APP: variants seen among roughly 807,000 people sequenced by gnomAD.
APP encodes the protein amyloid beta precursor protein.
Under a neutral mutation model 101.4 loss-of-function variants are expected in APP, and 31 were observed. The observed-to-expected ratio is 0.31, with a 90% CI of 0.23 to 0.41. The LOEUF is 0.41. Among genes scored for constraint, APP ranks in the 10% least tolerant of loss-of-function variants. The pLI is 1.00. For synonymous variants in APP, 366 were observed against 364.4 expected (o/e 1.00, Z -0.05); for missense variants, 839 against 1,003.7 (o/e 0.84, Z 2.22).
intron 6 of APP, among the ~76,000 whole-genome samples, chr21:26,008,626 C>A (rs1350562869): frequency 6.6e-6 from 1 of 152,240 alleles, no homozygotes; most frequent in African/African-American, 2.4e-5. Context: ...TACAAAATTC[C>A]TCTATACTGT....
At position 25,880,777 on chromosome 21, in the gene APP, C is replaced by T. The variant is rs1250546799; in HGVS notation, c.*893G>A. Reference sequence around the variant, plus strand: ...ACTTCGATTATTTAATGTCTGTAGTCATCCTTCAAAGAAAAGTCTTGCCCG... The same window carrying T: ...ACTTCGATTATTTAATGTCTGTAGTTATCCTTCAAAGAAAAGTCTTGCCCG... On this transcript the variant is annotated 3_prime_UTR_variant, in exon 18 of 18. Transcript: ENST00000346798. 6.6e-6 allele frequency: 1 copy of T among 152,322 alleles called. No homozygotes were observed. The highest frequency in any genetic ancestry group is 1.5e-5 in the Non-Finnish European group (1 of 68,046). 9.4% of individuals were successfully genotyped at this position (152,322 alleles called of 1,614,324 possible).
chr21:26,170,096 C>G (rs1302508747), intron 1 of APP, among the ~76,000 whole-genome samples: 3 of 152,242 alleles, frequency 2.0e-5, no homozygotes, highest in Non-Finnish European at 2.9e-5. Flanking sequence ...TGGGCTGTCC[C>G]GACTCCTCCT....
chr21:25,964,218 C>T (rs1300777180), intron 11 of APP, among the ~76,000 whole-genome samples: 5 of 152,164 alleles, frequency 3.3e-5, no homozygotes, highest in Non-Finnish European at 5.9e-5. Flanking sequence ...AGTCATCTAT[C>T]ATCTGTTCTC....
chr21:25,896,253 G>A (rs1307337500), intron 16 of APP, among the ~76,000 whole-genome samples: 2 of 152,098 alleles, frequency 1.3e-5, no homozygotes, highest in Non-Finnish European at 2.9e-5. Context: ...TGGGAGTTAA[G>A]AATGCAAATC....
At chr21:25,957,766 G>A (rs1217036999) in intron 11 of APP, among the ~76,000 whole-genome samples, 1 of 151,938 alleles carries the variant, frequency 6.6e-6, no homozygotes, top group Non-Finnish European at 1.5e-5. Flanking sequence ...AGGATCACTT[G>A]CAGCCAAGAG....
chr21:25,905,159 A>C (rs2038724389), intron 14 of APP, 82 bp from the exon 15 acceptor site: 1 of 1,193,012 alleles, frequency 8.4e-7, no homozygotes, highest in Non-Finnish European at 1.2e-6. Context: ...ATAGTCGAGC[A>C]GGGAAAAAAG....
At chr21:26,042,587 G>T (rs1439312234) in intron 5 of APP, among the ~76,000 whole-genome samples, 1 of 152,186 alleles carries the variant, frequency 6.6e-6, no homozygotes, top group Non-Finnish European at 1.5e-5. Flanking sequence ...TATGATGACT[G>T]CATTGATTAT....
chr21:25,969,183 C>CA (rs61030033), intron 11 of APP, among the ~76,000 whole-genome samples: 14,587 of 134,124 alleles, frequency 0.11, 1,171 homozygotes, highest in African/African-American at 0.22. Flanking sequence ...ACTAAAAATA[C>CA]AAAAAAAAAA....
intron 15 of APP, among the ~76,000 whole-genome samples, chr21:25,902,030 A>T (rs1262434401): frequency 6.6e-6 from 1 of 152,132 alleles, no homozygotes; most frequent in South Asian, 2.1e-4. Flanking sequence ...TATAATGGCC[A>T]CTATGCCCCC....
At chr21:26,108,528 A>G (rs1307712954) in intron 2 of APP, among the ~76,000 whole-genome samples, 1 of 152,234 alleles carries the variant, frequency 6.6e-6, no homozygotes, top group African/African-American at 2.4e-5. Context: ...GGTAGGGGAC[A>G]TAGTGATAAA....
chr21:25,995,541 G>A (rs1390918068), intron 8 of APP, among the ~76,000 whole-genome samples: 4 of 151,354 alleles, frequency 2.6e-5, no homozygotes, highest in Non-Finnish European at 5.9e-5. Flanking sequence ...ATTTTTTCTC[G>A]TATGTACAAA....
chr21:25,921,404 C>T (rs2039634435), intron 13 of APP, among the ~76,000 whole-genome samples: 2 of 144,030 alleles, frequency 1.4e-5, no homozygotes. Context: ...GAAATAGAGA[C>T]ACAAAAAACC....
At chr21:25,964,316 G>A (rs913210877) in intron 11 of APP, among the ~76,000 whole-genome samples, 10 of 152,080 alleles carry the variant, frequency 6.6e-5, no homozygotes, top group Non-Finnish European at 1.3e-4. Flanking sequence ...CTCCTCTTAC[G>A]GAGGAAGACA....
chr21:25,971,328 G>A (rs1166157082), intron 11 of APP, among the ~76,000 whole-genome samples: 1 of 152,228 alleles, frequency 6.6e-6, no homozygotes. Flanking sequence ...TTACAGGCGT[G>A]AGCCACCACA....
rs2036989305 is a variant in APP at position 25,881,636 on chromosome 21, G to C, written c.*34C>G. On this transcript the variant is annotated 3_prime_UTR_variant, in exon 18 of 18. Transcript: ENST00000346798. The stretch of plus-strand genomic sequence containing the variant: ...CGATGGGTAGTGAAGCAATGGTTTT[G>C]CTGTCCAACTTCAGAGGCTGCTGTG... 1.9e-6 allele frequency: 3 copies of C among 1,595,810 alleles called. No homozygotes were observed. The highest frequency in any genetic ancestry group is 2.6e-6 in the Non-Finnish European group (3 of 1,163,582).
At chr21:26,112,210 A>G (rs1410423922) in intron 1 of APP, 64 bp from the exon 2 acceptor site, 12 of 1,524,408 alleles carry the variant, frequency 7.9e-6, no homozygotes, top group Middle Eastern at 2.2e-4. Context: ...TTGGAGGAAG[A>G]ACAGGGATAA....
intron 6 of APP, among the ~76,000 whole-genome samples, chr21:26,004,275 C>CTTTTTTTTTTTTT (rs71183538): frequency 5.5e-5 from 4 of 72,796 alleles, no homozygotes; most frequent in Non-Finnish European, 9.8e-5. Flanking sequence ...TGTATTAATT[C>CTTTTTTTTTTTTT]TTTTTTTTTT....
intron 3 of APP, 178 bp downstream of exon 3, chr21:26,089,765 C>T: frequency 3.6e-6 from 3 of 825,036 alleles, no homozygotes; most frequent in Non-Finnish European, 5.4e-6. Flanking sequence ...CTCAAAAATA[C>T]TGCTCCTATA....
intron 3 of APP, among the ~76,000 whole-genome samples, chr21:26,053,711 C>A (rs1284651602): frequency 6.6e-6 from 1 of 152,172 alleles, no homozygotes; most frequent in Non-Finnish European, 1.5e-5. Flanking sequence ...TCTAGGTAAG[C>A]ATTTGAGCAG....
Sources: allele counts gnomAD v4.1 joint callset (sites outside exome capture counted in the v4.1 genomes callset), GRCh38; gene constraint gnomAD v4.1.1; transcripts MANE v1.5; gene names NCBI Gene and HGNC (gene_info 2026-07-23, HGNC 2026-07-21).